The following USP40 variants were observed in gnomAD, a reference collection of about 807,000 sequenced individuals.
USP40 encodes ubiquitin carboxyl-terminal hydrolase 40.
USP40 carries 143 observed loss-of-function variants against 166.2 expected under a neutral mutation model. That is an observed-to-expected ratio of 0.86 (90% CI 0.75 to 0.99). USP40 has a LOEUF of 0.99. Among genes scored for constraint, USP40 ranks in the 50% least tolerant of loss-of-function variants. The pLI, the probability that USP40 is intolerant of heterozygous loss-of-function variation, is 0.00. For missense variants in USP40, 1,444 were observed against 1,479.7 expected, an observed-to-expected ratio of 0.98 and a Z score of 0.40; for synonymous variants, 498 against 524.0, an observed-to-expected ratio of 0.95 and a Z score of 0.68.
intron 31 of USP40, among the ~76,000 whole-genome samples, chr2:233,478,174 T>G (rs747558188): frequency 6.6e-6 from 1 of 152,246 alleles, no homozygotes; most frequent in Non-Finnish European, 1.5e-5. Flanking sequence ...TTTGGGGATA[T>G]CCTGGTAGGC....
chr2:233,515,510 CT>C (rs1247284469), intron 18 of USP40, among the ~76,000 whole-genome samples: 6 of 150,556 alleles, frequency 4.0e-5, no homozygotes, highest in African/African-American at 1.5e-4. Flanking sequence ...ATAGGTACGT[CT>C]TCTTTTGTAA....
intron 18 of USP40, among the ~76,000 whole-genome samples, chr2:233,517,490 T>C (rs1027711039): frequency 1.2e-4 from 18 of 149,806 alleles, no homozygotes; most frequent in Admixed American, 3.4e-4. Flanking sequence ...GTTCACGCCA[T>C]TCTCCAGCCT....
chr2:233,491,143 T>C (rs752832733), intron 26 of USP40, 24 bp downstream of exon 26: 3 of 1,529,822 alleles, frequency 2.0e-6, no homozygotes, highest in Non-Finnish European at 2.7e-6. Flanking sequence ...TACCACTAAG[T>C]TATGGTGCAG....
intron 8 of USP40, among the ~76,000 whole-genome samples, chr2:233,548,172 CCTT>C (rs2070176369): frequency 1.3e-5 from 2 of 152,018 alleles, no homozygotes; most frequent in Non-Finnish European, 2.9e-5. Flanking sequence ...GGAAAAAAAT[CCTT>C]CTTACACCTC....
At chr2:233,492,657 A>T (rs1473041552) in intron 25 of USP40, 1 of 152,228 alleles carries the variant, frequency 6.6e-6, no homozygotes, top group Non-Finnish European at 1.5e-5. Context: ...TAAGGAGATA[A>T]GAATTTGACT....
At chr2:233,534,457 A>T (rs1016590349) in intron 10 of USP40, among the ~76,000 whole-genome samples, 4 of 152,170 alleles carry the variant, frequency 2.6e-5, no homozygotes. Context: ...CTCTCAGCCT[A>T]ATTTACTTTA....
chr2:233,532,043 AC>A (rs2068573149), intron 11 of USP40, among the ~76,000 whole-genome samples: 1 of 152,172 alleles, frequency 6.6e-6, no homozygotes, highest in Non-Finnish European at 1.5e-5. Context: ...TTCTGCGCAC[AC>A]ATAGGAAATT....
At chr2:233,544,184 A>T (rs1177654993) in intron 8 of USP40, among the ~76,000 whole-genome samples, 1 of 152,128 alleles carries the variant, frequency 6.6e-6, no homozygotes. Flanking sequence ...ACAGTTAAGA[A>T]CTCAGGAACT....
chr2:233,496,644 C>T (rs1211124517), intron 24 of USP40, 114 bp downstream of exon 24: 2 of 654,656 alleles, frequency 3.1e-6, no homozygotes, highest in African/African-American at 3.7e-5. Flanking sequence ...AAAGTTCTCC[C>T]TTCTCTTTAT....
At chr2:233,498,429 A>C in intron 23 of USP40, 119 bp downstream of exon 23, 1 of 869,896 alleles carries the variant, frequency 1.1e-6, no homozygotes, top group Non-Finnish European at 1.7e-6. Context: ...ACCCATTCAT[A>C]GATATTTGTA....
At position 233,477,026 on chromosome 2, in the gene USP40, A is replaced by G. The variant is rs1575200191; in HGVS notation, c.*366T>C. The G allele has an allele frequency of 2.9e-6, 1 of 344,668 alleles. No homozygotes were observed. Among genetic ancestry groups the G allele is most frequent in the Non-Finnish European group, 5.6e-6 (1 of 177,102 alleles). 21.4% of individuals were successfully genotyped at this position (344,668 alleles called of 1,614,324 possible). The stretch of plus-strand genomic sequence containing the variant: ...GAAAGTGGCTGGCCTGACCCCACAC[A>G]CCTCCCACAGCGGAGCAACGGCATG... On this transcript the variant is annotated 3_prime_UTR_variant, in exon 32 of 32. Coordinates refer to ENST00000678225, the MANE Select transcript of USP40 (RefSeq NM_001365479.2).
chr2:233,519,760 T>A (rs1239347128), intron 17 of USP40, 89 bp from the exon 18 acceptor site: 3 of 683,098 alleles, frequency 4.4e-6, no homozygotes, highest in Non-Finnish European at 7.0e-6. Flanking sequence ...AAACAAATTA[T>A]TTGAGATATT....
At chr2:233,481,641 C>T in intron 30 of USP40, 1 of 285,058 alleles carries the variant, frequency 3.5e-6, no homozygotes, top group Non-Finnish European at 6.6e-6. Context: ...CATCGCCGCG[C>T]CAGAAGCACA....
At chr2:233,482,595 G>T (rs77819857) in intron 30 of USP40, among the ~76,000 whole-genome samples, 2,883 of 122,914 alleles carry the variant, frequency 0.023, 84 homozygotes, top group African/African-American at 0.082. Flanking sequence ...TTTTTTTTTT[G>T]TTTTTTTTTT....
chr2:233,556,897 G>T lies in USP40; in HGVS notation c.504C>A (p.Asn168Lys), dbSNP rs371642670. The T allele has an allele frequency of 1.2e-6, 2 of 1,613,050 alleles. No homozygotes were observed. Among genetic ancestry groups the T allele is most frequent in the African/African-American group, 1.3e-5 (1 of 74,884 alleles). Residue 168 changes from asparagine to lysine, a missense_variant, in exon 5 of 32, where the codon AAC becomes AAA. Physicochemically the swap from Asn to Lys is moderately conservative, Grantham distance 94 (BLOSUM62 0). Transcript: ENST00000678225. ...IYRLYHGTIV[N>K]QIVCKECKNV... ...TCTTACATTCTTTACAAACAATCTGGTTAACAATGGTTCCATGGTACAGAC... is the reference window on the plus strand; with the variant it reads ...TCTTACATTCTTTACAAACAATCTGTTTAACAATGGTTCCATGGTACAGAC...
chr2:233,493,631 C>T lies in USP40; in HGVS notation c.2791-80G>A, dbSNP rs991418898. The T allele has an allele frequency of 7.8e-6, 11 of 1,411,232 alleles. No homozygotes were observed. Among genetic ancestry groups the T allele is most frequent in the Non-Finnish European group, 1.0e-5 (11 of 1,053,170 alleles). The allele number at this position is 1,411,232 out of a possible 1,614,324, so 87.4% of individuals were successfully genotyped here. On this transcript the variant is annotated intron_variant, in intron 24 of 31. Transcript: ENST00000678225. This position sits in a 1 kb window ranked among gnomAD's most constrained non-coding sequence, Gnocchi z 4.7. ...ACTTTTACTTCCATAGAAAGAAACA[C>T]CTTGATGACCTAAGATGTTCTTGAA...
chr2:233,489,667 G>A, intron 26 of USP40, 184 bp from the exon 27 acceptor site: 1 of 575,980 alleles, frequency 1.7e-6, no homozygotes, highest in Non-Finnish European at 3.0e-6. Context: ...CTAACCCTGA[G>A]CGGTCTTCAT....
chr2:233,484,008 T>C (rs1388090374), intron 30 of USP40, among the ~76,000 whole-genome samples: 3 of 152,186 alleles, frequency 2.0e-5, no homozygotes, highest in Non-Finnish European at 2.9e-5. Context: ...ATGAGCCTGT[T>C]TGTCTACCCG....
intron 10 of USP40, among the ~76,000 whole-genome samples, chr2:233,539,509 C>A (rs1212786621): frequency 4.6e-5 from 7 of 151,920 alleles, no homozygotes; most frequent in African/African-American, 1.7e-4. Flanking sequence ...GACCAACACA[C>A]CTCCAAAGAA....
Sources: gnomAD v4.1 joint callset for allele counts (sites outside exome capture counted in the v4.1 genomes callset) on GRCh38, gnomAD v4.1.1 for gene constraint, Gnocchi (gnomAD v3.1) non-coding constraint, MANE v1.5 for transcripts, NCBI Gene and HGNC (gene_info 2026-07-23, HGNC 2026-07-21) for gene names.